NPAP1: variants seen among roughly 807,000 people sequenced by gnomAD.
NPAP1 encodes the protein nuclear pore-associated protein 1.
For synonymous variants in NPAP1, 616 were observed against 581.4 expected, an observed-to-expected ratio of 1.06 and a Z score of -0.86; for missense variants, 1,483 against 1,454.5, an observed-to-expected ratio of 1.02 and a Z score of -0.32.
chr15:24,677,336 C>T lies in NPAP1; in HGVS notation c.1469C>T (p.Ala490Val), dbSNP rs770003936. The change falls in exon 1 of 1, where the codon GCA (alanine) becomes GTA (valine). Residue 490 changes from alanine (A) to valine (V), a missense_variant. Coordinates refer to ENST00000329468, the MANE Select transcript of NPAP1 (RefSeq NM_018958.3). ...GGCTCTTATAATTCAGTCGTAGGAG[C>T]AGCGCCTCTCACTTCTGACCCCCCA... Reference protein sequence around the residue: ...KGGSYNSVVGAAPLTSDPPTP... With the variant: ...KGGSYNSVVGVAPLTSDPPTP... 5.6e-6 allele frequency: 9 copies of T among 1,614,088 alleles called. No homozygotes were observed. The highest frequency in any genetic ancestry group is 7.6e-6 in the Non-Finnish European group (9 of 1,179,984).
Position 24,678,023 on chromosome 15 carries a change from A to T in NPAP1, c.2156A>T (p.Lys719Met), listed in dbSNP as rs1474675866. ...VILQSASVSK[K>M]YLPFYLGLPG... ...TTGCAGTCTGCCTCTGTCTCCAAGA[A>T]GTACCTCCCATTTTACCTGGGGCTT... The change falls in exon 1 of 1, where the codon AAG becomes ATG. Residue 719 changes from lysine (K) to methionine (M), a missense_variant. Lys to Met is a moderately conservative substitution (Grantham distance 95). Transcript: ENST00000329468. 1 of 1,614,052 alleles carries T rather than the reference A, an allele frequency of 6.2e-7. No individual in the cohort carries two copies. The highest frequency in any genetic ancestry group is 1.1e-5 in the South Asian group (1 of 91,074).
rs536477564 is a variant in NPAP1, at chr15:24,680,696, T to C, written c.*1358T>C. ...TGTATTTTAGTGGTCTTCTGCACTG[T>C]GGAGGGTAGAGGAAACCTGGCTTGA... On this transcript the variant is annotated 3_prime_UTR_variant, in exon 1 of 1. Coordinates refer to ENST00000329468, the MANE Select transcript of NPAP1 (RefSeq NM_018958.3). The C allele has an allele frequency of 6.2e-6, 1 of 162,440 alleles. No individual in the cohort carries two copies. Among genetic ancestry groups the C allele is most frequent in the Admixed American group, 6.6e-5 (1 of 15,088 alleles). The allele number at this position is 162,440 out of a possible 1,614,324, so 10.1% of individuals were successfully genotyped here.
chr15:24,676,990 T>C lies in NPAP1; in HGVS notation c.1123T>C (p.Tyr375His). 1 of 1,613,662 alleles carries C rather than the reference T, an allele frequency of 6.2e-7. No homozygotes were observed. The highest frequency in any genetic ancestry group is 8.5e-7 in the Non-Finnish European group (1 of 1,179,948). Reference sequence around the variant, plus strand: ...ACACACCTTGGAGAAGAGCCCTGAGTATAAAAGGAATAGCAGAATCTTGGA... The same window carrying C: ...ACACACCTTGGAGAAGAGCCCTGAGCATAAAAGGAATAGCAGAATCTTGGA... ...DLHTLEKSPEYKRNSRILEDK... is the reference protein window; with the variant it reads ...DLHTLEKSPEHKRNSRILEDK... Residue 375 changes from tyrosine to histidine, a missense_variant, in exon 1 of 1, where the codon TAT (tyrosine) becomes CAT (histidine). Transcript: ENST00000329468.
rs960635331 is a variant in NPAP1 at position 24,679,931 on chromosome 15, C to T, written c.*593C>T. 7 of 177,010 alleles carry T rather than the reference C, an allele frequency of 4.0e-5. No homozygotes were observed. Among genetic ancestry groups the T allele is most frequent in the African/African-American group, 1.7e-4 (7 of 41,504 alleles). 11.0% of individuals were successfully genotyped at this position (177,010 alleles called of 1,614,324 possible). ...TCAGTAAAAATACTATGGACCTGCC[C>T]AACCAAGGTGCTCCTTTTGACTTTA... On this transcript the variant is annotated 3_prime_UTR_variant, in exon 1 of 1. Coordinates refer to ENST00000329468, the MANE Select transcript of NPAP1 (RefSeq NM_018958.3).
In NPAP1 at chr15:24,676,124, C is replaced by T. The variant is rs142191379; in HGVS notation, c.257C>T (p.Pro86Leu). The T allele has an allele frequency of 4.8e-5, 75 of 1,566,830 alleles. No homozygotes were observed. The highest frequency in any genetic ancestry group is 2.0e-4 in the South Asian group (17 of 83,644). ...GCGGCCGCCCCTCTGGGGGTCCTGC[C>T]GGCTGTGGGTTGGGGGCTGGCCATC... Reference protein sequence around the residue: ...RAAAAPLGVLPAVGWGLAIRK... With the variant: ...RAAAAPLGVLLAVGWGLAIRK... Residue 86 changes from proline to leucine, a missense_variant, in exon 1 of 1, where the codon CCG becomes CTG. Coordinates refer to ENST00000329468, the MANE Select transcript of NPAP1 (RefSeq NM_018958.3).
rs951533990 is a variant in NPAP1, at chr15:24,677,388, C to G, written c.1521C>G (p.Phe507Leu). Residue 507 changes from phenylalanine to leucine, a missense_variant, in exon 1 of 1, where the codon TTC becomes TTG. Phe to Leu is a conservative substitution (Grantham distance 22, BLOSUM62 0). Coordinates refer to ENST00000329468, the MANE Select transcript of NPAP1 (RefSeq NM_018958.3). ...CACCTCCTAGCTCCACACCCTCCTTCAAGCCTCCCGTCACAAGGGAGTCCC... is the reference window on the plus strand; with the variant it reads ...CACCTCCTAGCTCCACACCCTCCTTGAAGCCTCCCGTCACAAGGGAGTCCC... ...PPTPPSSTPSFKPPVTRESPI... is the reference protein window; with the variant it reads ...PPTPPSSTPSLKPPVTRESPI... The G allele has an allele frequency of 1.2e-6, 2 of 1,613,998 alleles. No homozygotes were observed. Among genetic ancestry groups the G allele is most frequent in the South Asian group, 1.1e-5 (1 of 91,082 alleles).
At position 24,681,096 on chromosome 15, in the gene NPAP1, A is replaced by T. The variant is rs1224814554; in HGVS notation, c.*1758A>T. ...CTGGTGTCCTCATGGAGCAGTTAGTAAGGAAATGTGGCTGGAATGGAGTCA... is the reference window on the plus strand; with the variant it reads ...CTGGTGTCCTCATGGAGCAGTTAGTTAGGAAATGTGGCTGGAATGGAGTCA... On this transcript the variant is annotated 3_prime_UTR_variant, in exon 1 of 1. Coordinates refer to ENST00000329468, the MANE Select transcript of NPAP1 (RefSeq NM_018958.3). 1 of 167,300 alleles carries T rather than the reference A, an allele frequency of 6.0e-6. No individual in the cohort carries two copies. The highest frequency in any genetic ancestry group is 1.5e-5 in the Non-Finnish European group (1 of 68,162). The allele number at this position is 167,300 out of a possible 1,614,324, so 10.4% of individuals were successfully genotyped here. A position where few individuals can be genotyped will look rare whatever the true frequency, so the allele number is the denominator to read the frequency against.
Position 24,675,991 on chromosome 15 carries a change from C to G in NPAP1, c.124C>G (p.Pro42Ala), listed in dbSNP as rs377473013. ...ASPPGRAHSV[P>A]TPRPFRGLFR... ...CCCGCCCGGTCGGGCTCACTCTGTA[C>G]CCACCCCGCGCCCTTTCCGCGGCCT... is the stretch of plus-strand genomic sequence containing the variant. Residue 42 changes from proline to alanine, a missense_variant, in exon 1 of 1, where the codon CCC (proline) becomes GCC (alanine). By Grantham distance (27) the Pro-to-Ala change is conservative. Coordinates refer to ENST00000329468, the MANE Select transcript of NPAP1 (RefSeq NM_018958.3). 5 of 1,601,534 alleles carry G rather than the reference C, an allele frequency of 3.1e-6. No individual in the cohort carries two copies. The highest frequency in any genetic ancestry group is 4.3e-6 in the Non-Finnish European group (5 of 1,175,372).
In NPAP1 at chr15:24,676,910, G is replaced by A. The variant is rs1342031467; in HGVS notation, c.1043G>A (p.Arg348Gln). The stretch of plus-strand genomic sequence containing the variant: ...CCTTCACTGCCATTGCTGTGGGATC[G>A]AGGTGAGCTTCCCCCACCTGCTAAG... ...LPPSLPLLWDRGELPPPAKLP... is the reference protein window; with the variant it reads ...LPPSLPLLWDQGELPPPAKLP... Residue 348 changes from arginine (R) to glutamine (Q), a missense_variant, in exon 1 of 1, where the codon CGA (arginine) becomes CAA (glutamine). Physicochemically the swap from Arg to Gln is conservative, Grantham distance 43 (BLOSUM62 1). Transcript: ENST00000329468. 4 of 1,613,678 alleles carry A rather than the reference G, an allele frequency of 2.5e-6. No homozygotes were observed. The highest frequency in any genetic ancestry group is 1.1e-5 in the South Asian group (1 of 91,076).
rs1361174213 is a variant in NPAP1 at position 24,677,151 on chromosome 15, C to T, written c.1284C>T (p.Asp428=). 5.6e-6 allele frequency: 9 copies of T among 1,614,032 alleles called. No individual in the cohort carries two copies. Among genetic ancestry groups the T allele is most frequent in the Non-Finnish European group, 7.6e-6 (9 of 1,180,036 alleles). Reference sequence around the variant, plus strand: ...TCTCAGCTCCTTTGCCCATCCCTGACTTGGCTGACCTGGCTACTGGACCCC... The same window carrying T: ...TCTCAGCTCCTTTGCCCATCCCTGATTTGGCTGACCTGGCTACTGGACCCC... ...SQVSAPLPIP[D]LADLATGPLI... is the part of the protein sequence containing the mutation. The change falls in exon 1 of 1, where the codon GAC becomes GAT. Residue 428 remains aspartate (D), a synonymous_variant. Transcript: ENST00000329468.
In NPAP1 at chr15:24,676,884, C is replaced by T. The variant is rs773009396; in HGVS notation, c.1017C>T (p.Pro339=). 8.1e-6 allele frequency: 13 copies of T among 1,613,512 alleles called. No individual in the cohort carries two copies. The highest frequency in any genetic ancestry group is 2.2e-5 in the East Asian group (1 of 44,874). The change falls in exon 1 of 1, where the codon CCC becomes CCT. Residue 339 remains proline, a synonymous_variant. Transcript: ENST00000329468. The part of the protein sequence containing the change: ...KMSIPLLLPL[P]PSLPLLWDRG... Reference sequence around the variant, plus strand: ...CGATTCCATTGCTGCTGCCGCTGCCCCCTTCACTGCCATTGCTGTGGGATC... The same window carrying T: ...CGATTCCATTGCTGCTGCCGCTGCCTCCTTCACTGCCATTGCTGTGGGATC...
In NPAP1 at chr15:24,676,681, C is replaced by T. The variant is rs752543491; in HGVS notation, c.814C>T (p.Leu272=). The T allele has an allele frequency of 6.2e-7, 1 of 1,614,072 alleles. No individual in the cohort carries two copies. The change falls in exon 1 of 1, where the codon CTG becomes TTG. Residue 272 remains leucine (L), a synonymous_variant. Coordinates refer to ENST00000329468, the MANE Select transcript of NPAP1 (RefSeq NM_018958.3). ...TGAGCCAGCCGTTGGCTGCTCCCTG[C>T]TGCAGCAGAAGTTGGCTGCGGAAGT... ...PPEPAVGCSL[L]QQKLAAEVLN... is the part of the protein sequence containing the mutation.
In NPAP1 at chr15:24,677,061, C is replaced by T. The variant is rs12905237; in HGVS notation, c.1194C>T (p.Ala398=). The T allele has an allele frequency of 6.2e-7, 1 of 1,613,860 alleles. No homozygotes were observed. Among genetic ancestry groups the T allele is most frequent in the African/African-American group, 1.3e-5 (1 of 74,960 alleles). The part of the protein sequence containing the change: ...TMTNSSITQP[A]PSFSQPVQTT... ...CAAACAGCAGCATCACCCAGCCTGC[C>T]CCTTCTTTCTCCCAACCTGTGCAGA... Residue 398 remains alanine, a synonymous_variant, in exon 1 of 1, where the codon GCC becomes GCT. Transcript: ENST00000329468.
chr15:24,679,146 A>G lies in NPAP1; in HGVS notation c.3279A>G (p.Pro1093=). 1.2e-6 allele frequency: 2 copies of G among 1,614,196 alleles called. No homozygotes were observed. Among genetic ancestry groups the G allele is most frequent in the East Asian group, 2.2e-5 (1 of 44,884 alleles). Residue 1093 remains proline, a synonymous_variant, in exon 1 of 1, where the codon CCA becomes CCG. Transcript: ENST00000329468. Reference sequence around the variant, plus strand: ...CCGCCTACATTCCTGGTTTAGACCCACCTACCCAGAATTCATGCAGTGGTA... The same window carrying G: ...CCGCCTACATTCCTGGTTTAGACCCGCCTACCCAGAATTCATGCAGTGGTA... ...SAAAYIPGLD[P]PTQNSCSGMG... is the part of the protein sequence containing the mutation.
rs148148312 is a variant in NPAP1, at chr15:24,676,617, G to A, written c.750G>A (p.Arg250=). ...CACACAGCCAGGCCGGATGTGCCCG[G>A]CATCTTGGAAAGCCTGATCCGGATG... ...PSTHSQAGCA[R]HLGKPDPDAT... is the part of the protein sequence containing the mutation. Residue 250 remains arginine, a synonymous_variant, in exon 1 of 1, where the codon CGG becomes CGA. Transcript: ENST00000329468. 3 of 1,613,880 alleles carry A rather than the reference G, an allele frequency of 1.9e-6. No individual in the cohort carries two copies. The highest frequency in any genetic ancestry group is 2.2e-5 in the East Asian group (1 of 44,852).
Position 24,677,222 on chromosome 15 carries a change from A to C in NPAP1, c.1355A>C (p.Glu452Ala). 6.2e-7 allele frequency: 1 copy of C among 1,614,092 alleles called. No homozygotes were observed. Among genetic ancestry groups the C allele is most frequent in the Non-Finnish European group, 8.5e-7 (1 of 1,180,036 alleles). Residue 452 changes from glutamate (E) to alanine (A), a missense_variant, in exon 1 of 1, where the codon GAG becomes GCG. Physicochemically the swap from Glu to Ala is moderately radical, Grantham distance 107. Transcript: ENST00000329468. Reference sequence around the variant, plus strand: ...CTTTCCACCACACCAAAAATGGATGAGAAAATAGCATTCACAATCCCTAAC... The same window carrying C: ...CTTTCCACCACACCAAAAATGGATGCGAAAATAGCATTCACAATCCCTAAC... Reference protein sequence around the residue: ...PPLSTTPKMDEKIAFTIPNSP... With the variant: ...PPLSTTPKMDAKIAFTIPNSP...
chr15:24,679,056 C>G lies in NPAP1; in HGVS notation c.3189C>G (p.Gly1063=), dbSNP rs2048999686. 1 of 1,614,058 alleles carries G rather than the reference C, an allele frequency of 6.2e-7. No individual in the cohort carries two copies. The highest frequency in any genetic ancestry group is 1.3e-5 in the African/African-American group (1 of 74,924). ...PFGQAAWDPT[G]HSMAAAPQGA... is the part of the protein sequence containing the mutation. ...GTCAGGCAGCCTGGGACCCAACTGG[C>G]CACAGCATGGCTGCTGCACCACAAG... The change falls in exon 1 of 1, where the codon GGC becomes GGG. Residue 1063 remains glycine, a synonymous_variant. Transcript: ENST00000329468.
chr15:24,678,045 G>A lies in NPAP1; in HGVS notation c.2178G>A (p.Gly726=), dbSNP rs2141311706. 2 of 1,613,800 alleles carry A rather than the reference G, an allele frequency of 1.2e-6. No individual in the cohort carries two copies. The highest frequency in any genetic ancestry group is 1.7e-6 in the Non-Finnish European group (2 of 1,179,978). ...VSKKYLPFYL[G]LPGSGNTQPS... ...AGAAGTACCTCCCATTTTACCTGGG[G>A]CTTCCTGGTTCTGGGAACACACAAC... The change falls in exon 1 of 1, where the codon GGG becomes GGA. Residue 726 remains glycine, a synonymous_variant. Coordinates refer to ENST00000329468, the MANE Select transcript of NPAP1 (RefSeq NM_018958.3).
chr15:24,677,192 C>T lies in NPAP1; in HGVS notation c.1325C>T (p.Pro442Leu), dbSNP rs2141309815. Reference sequence around the variant, plus strand: ...ACTGGACCCCTCATCCTGCCTATCCCTCCACTTTCCACCACACCAAAAATG... The same window carrying T: ...ACTGGACCCCTCATCCTGCCTATCCTTCCACTTTCCACCACACCAAAAATG... ...LATGPLILPI[P>L]PLSTTPKMDE... is the part of the protein sequence containing the mutation. Residue 442 changes from proline to leucine, a missense_variant, in exon 1 of 1, where the codon CCT becomes CTT. By Grantham distance (98) the Pro-to-Leu change is moderately conservative (BLOSUM62 -3). Transcript: ENST00000329468. The T allele has an allele frequency of 6.2e-7, 1 of 1,614,050 alleles. No homozygotes were observed. The highest frequency in any genetic ancestry group is 8.5e-7 in the Non-Finnish European group (1 of 1,180,026).
Sources: gnomAD v4.1 joint callset for allele counts on GRCh38, gnomAD v4.1.1 for gene constraint, MANE v1.5 for transcripts, NCBI Gene and HGNC (gene_info 2026-07-23, HGNC 2026-07-21) for gene names.